SYTL3: variants seen among roughly 807,000 people sequenced by gnomAD.
SYTL3 encodes the protein synaptotagmin-like protein 3.
A neutral mutation model predicts 82.1 loss-of-function variants in SYTL3; 88 were observed. That is an observed-to-expected ratio of 1.07 (90% CI 0.90 to 1.28). The LOEUF is 1.28. Ranked by LOEUF, SYTL3 falls within the 50% of genes most tolerant of loss-of-function variation. The pLI, the probability that SYTL3 is intolerant of heterozygous loss-of-function variation, is 0.00. For synonymous variants in SYTL3, 311 were observed against 289.4 expected (o/e 1.07, Z -0.76); for missense variants, 831 against 757.6 (o/e 1.10, Z -1.14).
intron 13 of SYTL3, among the ~76,000 whole-genome samples, chr6:158,754,393 T>C (rs1034176904): frequency 6.6e-6 from 1 of 152,198 alleles, no homozygotes; most frequent in African/African-American, 2.4e-5. Flanking sequence ...CTTGTGGACC[T>C]AACAGGGCTA....
At chr6:158,733,570 G>A (rs1299457691) in intron 11 of SYTL3, among the ~76,000 whole-genome samples, 3 of 151,706 alleles carry the variant, frequency 2.0e-5, no homozygotes, top group Admixed American at 6.6e-5. Flanking sequence ...CTCGTGATCC[G>A]CCCTCCTCGG....
At position 158,748,743 on chromosome 6, in the gene SYTL3, G is replaced by A. The variant is rs1246499751; in HGVS notation, c.1034+3085G>A. Among the ~76,000 whole-genome samples, 8 of 151,920 alleles carry A rather than the reference G, an allele frequency of 5.3e-5. No individual in the cohort carries two copies. In the East Asian group the frequency reaches 1.6e-3, roughly 29 times the overall value. The stretch of plus-strand genomic sequence containing the variant: ...ACCTGTAATCCCAGCTACTAGGGAG[G>A]CTGAGGCAGGAGAATCCCTTGAACC... On this transcript the variant is annotated intron_variant, in intron 12 of 17. Coordinates refer to ENST00000611299, the MANE Select transcript of SYTL3 (RefSeq NM_001242394.2).
intron 13 of SYTL3, among the ~76,000 whole-genome samples, chr6:158,752,668 A>G (rs766795056): frequency 3.3e-5 from 5 of 152,176 alleles, no homozygotes; most frequent in African/African-American, 7.2e-5. Context: ...GGTGGCCCCA[A>G]TCTTGGTGCA....
At chr6:158,682,780 A>G in intron 5 of SYTL3, 145 bp from the exon 6 acceptor site, 1 of 621,204 alleles carries the variant, frequency 1.6e-6, no homozygotes, top group Admixed American at 2.9e-5. Flanking sequence ...GAATCTGTAA[A>G]TTTAAGTGTT....
At chr6:158,659,422 C>A (rs1390611216) in intron 2 of SYTL3, among the ~76,000 whole-genome samples, 1 of 152,172 alleles carries the variant, frequency 6.6e-6, no homozygotes, top group Admixed American at 6.5e-5. Context: ...ATGGTGCGAT[C>A]TTGGCTCACT....
intron 10 of SYTL3, among the ~76,000 whole-genome samples, chr6:158,722,778 T>TTTTTTTTTTTTTTTTTTA (rs1784271430): frequency 6.9e-6 from 1 of 144,390 alleles, no homozygotes; most frequent in African/African-American, 2.6e-5. Flanking sequence ...TTTTTTTTTT[T>TTTTTTTTTTTTTTTTTTA]TTTTTTTTTT....
At chr6:158,709,651 A>G (rs1782543084) in intron 8 of SYTL3, among the ~76,000 whole-genome samples, 1 of 152,184 alleles carries the variant, frequency 6.6e-6, no homozygotes, top group African/African-American at 2.4e-5. Context: ...GGGGGCAGGT[A>G]TATATGGGAG....
At chr6:158,656,214 C>G (rs1341725354) in intron 2 of SYTL3, among the ~76,000 whole-genome samples, 1 of 152,228 alleles carries the variant, frequency 6.6e-6, no homozygotes, top group Admixed American at 6.5e-5. Context: ...CCTCACACAA[C>G]TCCCCTCTTC....
At chr6:158,712,723 G>A (rs555960851) in intron 8 of SYTL3, among the ~76,000 whole-genome samples, 2 of 151,262 alleles carry the variant, frequency 1.3e-5, no homozygotes, top group East Asian at 3.9e-4. Flanking sequence ...TGATAAGAGA[G>A]AAGAATCACA....
At chr6:158,690,767 TTAAAA>T (rs1345269558) in intron 6 of SYTL3, among the ~76,000 whole-genome samples, 1 of 152,242 alleles carries the variant, frequency 6.6e-6, no homozygotes, top group East Asian at 1.9e-4. Flanking sequence ...TTTTGTGGTC[TTAAAA>T]TAATTTCTTT....
chr6:158,750,231 A>G (rs1222724391), intron 12 of SYTL3, among the ~76,000 whole-genome samples: 2 of 152,240 alleles, frequency 1.3e-5, no homozygotes, highest in Non-Finnish European at 1.5e-5. Flanking sequence ...ACACATCAAA[A>G]TGGTGAAACC....
chr6:158,645,620 T>G (rs1195621688), upstream of SYTL3, among the ~76,000 whole-genome samples: 1 of 152,178 alleles, frequency 6.6e-6, no homozygotes, highest in Non-Finnish European at 1.5e-5. Flanking sequence ...TCAACAACCC[T>G]TGTTATTTCT....
At chr6:158,694,823 G>T (rs1459722086) in intron 6 of SYTL3, among the ~76,000 whole-genome samples, 1 of 152,100 alleles carries the variant, frequency 6.6e-6, no homozygotes, top group Non-Finnish European at 1.5e-5. Context: ...GATGTCCTCT[G>T]AGCCCTGTCC....
At position 158,662,861 on chromosome 6, in the gene SYTL3, T is replaced by G. The variant is rs944236979; in HGVS notation, c.-408T>G. The G allele has an allele frequency of 1.3e-5, 2 of 155,346 alleles. No individual in the cohort carries two copies. The highest frequency in any genetic ancestry group is 4.8e-5 in the African/African-American group (2 of 41,572). The allele number at this position is 155,346 out of a possible 1,614,324, so 9.6% of individuals were successfully genotyped here. ...ACTCTTTTTATTGCTATTTCTAAAT[T>G]TCCTTGGCTTGAAAATTACTTCTGC... On this transcript the variant is annotated 5_prime_UTR_variant, in exon 4 of 18. In the 5' UTR this introduces an upstream ATG that the reference lacks. Transcript: ENST00000611299.
At chr6:158,759,942 G>A (rs1789685589) in intron 14 of SYTL3, among the ~76,000 whole-genome samples, 1 of 151,950 alleles carries the variant, frequency 6.6e-6, no homozygotes, top group Non-Finnish European at 1.5e-5. Flanking sequence ...TATTTTATGT[G>A]TGGCCCAAGA....
chr6:158,673,187 C>T (rs191946191), intron 5 of SYTL3, among the ~76,000 whole-genome samples: 154 of 152,194 alleles, frequency 1.0e-3, no homozygotes, highest in South Asian at 2.3e-3. Flanking sequence ...CTTGGCCTCT[C>T]GAAGTGCTAG....
chr6:158,725,986 G>A, intron 11 of SYTL3: 1 of 666,118 alleles, frequency 1.5e-6, no homozygotes, highest in South Asian at 1.4e-5. Context: ...GGTTGGAGCT[G>A]CGTTAGGCAT....
chr6:158,680,575 C>CAAAAAAAAAAAAAAAAAAAAA (rs71297002), intron 5 of SYTL3, among the ~76,000 whole-genome samples: 2 of 78,262 alleles, frequency 2.6e-5, no homozygotes, highest in Non-Finnish European at 5.3e-5. Flanking sequence ...CCCGTCTCTA[C>CAAAAAAAAAAAAAAAAAAAAA]AAAAAAAAAA....
rs1476102332 is a variant in SYTL3 at position 158,675,269 on chromosome 6, G to A, written c.330-7656G>A. Among the ~76,000 whole-genome samples, 3 of 152,270 alleles carry A rather than the reference G, an allele frequency of 2.0e-5. No homozygotes were observed. In the East Asian group the frequency reaches 5.8e-4, roughly 29 times the overall value. On this transcript the variant is annotated intron_variant, in intron 5 of 17. Coordinates refer to ENST00000611299, the MANE Select transcript of SYTL3 (RefSeq NM_001242394.2). ...AGCACTGGATGTGACAGAGAGGGGG[G>A]CACCTGCCTTCTCTCTGAGGTTAAG...
Sources: allele counts gnomAD v4.1 joint callset (sites outside exome capture counted in the v4.1 genomes callset), GRCh38; gene constraint gnomAD v4.1.1; transcripts MANE v1.5; gene names NCBI Gene and HGNC (gene_info 2026-07-23, HGNC 2026-07-21).